Variants in CACNA1D observed in about 807,000 individuals in gnomAD.
CACNA1D encodes the protein voltage-dependent L-type calcium channel subunit alpha-1D.
CACNA1D carries 55 observed loss-of-function variants against 257.1 expected under a neutral mutation model. The observed-to-expected ratio is 0.21, with a 90% CI of 0.17 to 0.27. The LOEUF is 0.27. Among genes scored for constraint, CACNA1D ranks in the 10% least tolerant of loss-of-function variants. The pLI, the probability that CACNA1D is intolerant of heterozygous loss-of-function variation, is 1.00. For missense variants in CACNA1D, 1,876 were observed against 2,784.0 expected, an observed-to-expected ratio of 0.67 and a Z score of 7.34; for synonymous variants, 980 against 1,014.9, an observed-to-expected ratio of 0.97 and a Z score of 0.65.
At chr3:53,613,130 G>A (rs956219224) in intron 3 of CACNA1D, among the ~76,000 whole-genome samples, 1 of 152,210 alleles carries the variant, frequency 6.6e-6, no homozygotes, top group African/African-American at 2.4e-5. Flanking sequence ...ATGCTGCTGA[G>A]TTGCTCTGAT....
chr3:53,594,180 C>T (rs886645919), intron 3 of CACNA1D, among the ~76,000 whole-genome samples: 3 of 152,128 alleles, frequency 2.0e-5, no homozygotes, highest in African/African-American at 7.2e-5. Context: ...AAGTCTGGTT[C>T]GTCTTAGCGA....
chr3:53,602,839 C>G (rs2093461700), intron 3 of CACNA1D, among the ~76,000 whole-genome samples: 1 of 152,022 alleles, frequency 6.6e-6, no homozygotes, highest in Admixed American at 6.6e-5. Flanking sequence ...CTTATATATT[C>G]TGGTTATTAA....
intron 17 of CACNA1D, 146 bp downstream of exon 17, chr3:53,731,292 T>C (rs1356068761): frequency 3.0e-6 from 2 of 666,996 alleles, no homozygotes; most frequent in Non-Finnish European, 5.4e-6. Context: ...ATATAGACCC[T>C]GGCTTCCCAG....
chr3:53,779,877 A>G, intron 37 of CACNA1D, 149 bp from the exon 38 acceptor site: 1 of 693,784 alleles, frequency 1.4e-6, no homozygotes. Flanking sequence ...TAAATTAACC[A>G]TCATATGCGT....
intron 3 of CACNA1D, among the ~76,000 whole-genome samples, chr3:53,615,751 A>G (rs2093630147): frequency 6.6e-6 from 1 of 152,256 alleles, no homozygotes; most frequent in South Asian, 2.1e-4. Flanking sequence ...TCTATGAAAC[A>G]GAATTCTACT....
chr3:53,679,448 T>C (rs1402717865), intron 8 of CACNA1D: 1 of 152,092 alleles, frequency 6.6e-6, no homozygotes, highest in Non-Finnish European at 1.5e-5. Context: ...AGGTTGTTAT[T>C]GGGGTCCTGG....
chr3:53,496,328 A>G (rs1395019282), intron 1 of CACNA1D, among the ~76,000 whole-genome samples: 1 of 152,108 alleles, frequency 6.6e-6, no homozygotes, highest in South Asian at 2.1e-4. Flanking sequence ...CTGGATACCA[A>G]CCTACACGGA....
Position 53,751,087 on chromosome 3 carries a change from A to T in CACNA1D, c.3517-662A>T, listed in dbSNP as rs933877706. Among the ~76,000 whole-genome samples, 1 of 152,154 alleles carries T rather than the reference A, an allele frequency of 6.6e-6. No individual in the cohort carries two copies. Among genetic ancestry groups the T allele is most frequent in the African/African-American group, 2.4e-5 (1 of 41,380 alleles). ...TTCAATCCAGCTGTCACTACTGACC[A>T]CATCCTAGGGATTCTGAAATGAACA... On this transcript the variant is annotated intron_variant, in intron 27 of 47. Coordinates refer to ENST00000350061, the MANE Select transcript of CACNA1D (RefSeq NM_001128840.3). The surrounding 1 kb of genome is among the most constrained non-coding windows in gnomAD (Gnocchi z 4.3).
chr3:53,808,602 G>A (rs779740579), intron 45 of CACNA1D, 47 bp from the exon 46 acceptor site: 20 of 1,601,378 alleles, frequency 1.2e-5, no homozygotes, highest in East Asian at 6.7e-5. Context: ...ACGGTGTCCC[G>A]GCAGAGAACT....
At chr3:53,562,101 G>A (rs1316821943) in intron 3 of CACNA1D, among the ~76,000 whole-genome samples, 1 of 152,142 alleles carries the variant, frequency 6.6e-6, no homozygotes, top group Non-Finnish European at 1.5e-5. Flanking sequence ...CTACCTTTAA[G>A]GAACTTAGAG....
intron 15 of CACNA1D, among the ~76,000 whole-genome samples, chr3:53,729,436 T>C (rs2094966815): frequency 6.6e-6 from 1 of 152,190 alleles, no homozygotes; most frequent in East Asian, 1.9e-4. Context: ...GTCTCTGGGC[T>C]CCTGCAGTTT....
chr3:53,590,289 A>G (rs1324512658), intron 3 of CACNA1D, among the ~76,000 whole-genome samples: 4 of 152,132 alleles, frequency 2.6e-5, no homozygotes, highest in Admixed American at 2.6e-4. Flanking sequence ...CACTTCGTCT[A>G]TTACTTTAAG....
intron 14 of CACNA1D, 21 bp downstream of exon 14, chr3:53,724,020 C>A: frequency 1.3e-6 from 2 of 1,593,356 alleles, no homozygotes; most frequent in Non-Finnish European, 1.7e-6. Flanking sequence ...CCTCCATTCC[C>A]CGAAAAGCAC....
Position 53,497,141 on chromosome 3 carries a change from C to A in CACNA1D, c.68-11C>A. The A allele has an allele frequency of 6.2e-7, 1 of 1,612,602 alleles. No homozygotes were observed. The highest frequency in any genetic ancestry group is 8.5e-7 in the Non-Finnish European group (1 of 1,179,316). ...AAAAAAAAAAATCTTTGTTTTTCTC[C>A]TTCTCCCCAGAGGCAAACTATGCAA... On this transcript the variant is annotated splice_polypyrimidine_tract_variant and intron_variant, in intron 1 of 47. Coordinates refer to ENST00000350061, the MANE Select transcript of CACNA1D (RefSeq NM_001128840.3).
chr3:53,535,454 G>A (rs188959281), intron 3 of CACNA1D, among the ~76,000 whole-genome samples: 1 of 152,310 alleles, frequency 6.6e-6, no homozygotes, highest in Non-Finnish European at 1.5e-5. Context: ...ATCTGTCTTT[G>A]GCTTAGAATT....
chr3:53,606,113 A>G (rs577175149), intron 3 of CACNA1D, among the ~76,000 whole-genome samples: 8 of 152,246 alleles, frequency 5.3e-5, no homozygotes, highest in African/African-American at 1.9e-4. Flanking sequence ...GACTGGACCC[A>G]ATAATAGGAA....
chr3:53,675,753 AT>A (rs1269565633), intron 8 of CACNA1D, among the ~76,000 whole-genome samples: 6 of 152,310 alleles, frequency 3.9e-5, no homozygotes, highest in Admixed American at 2.6e-4. Flanking sequence ...GGGGGAAATA[AT>A]TTTTTTAAAA....
At chr3:53,689,626 T>C (rs1274766804) in intron 8 of CACNA1D, among the ~76,000 whole-genome samples, 2 of 151,964 alleles carry the variant, frequency 1.3e-5, no homozygotes, top group African/African-American at 2.4e-5. Context: ...GGGATGTGGA[T>C]TGTATGAGAG....
At chr3:53,590,888 GC>G (rs2093294389) in intron 3 of CACNA1D, among the ~76,000 whole-genome samples, 2 of 152,196 alleles carry the variant, frequency 1.3e-5, no homozygotes, top group African/African-American at 4.8e-5. Flanking sequence ...TGTGGGCTGA[GC>G]TCTGTCCGCT....
Sources: allele counts gnomAD v4.1 joint callset (sites outside exome capture counted in the v4.1 genomes callset), GRCh38; gene constraint gnomAD v4.1.1; non-coding constraint Gnocchi (gnomAD v3.1); transcripts MANE v1.5; gene names NCBI Gene and HGNC (gene_info 2026-07-23, HGNC 2026-07-21).